Variants in FAM83F observed in about 807,000 individuals in gnomAD.
FAM83F encodes protein FAM83F.
FAM83F carries 45 observed loss-of-function variants against 42.9 expected under a neutral mutation model. That is an observed-to-expected ratio of 1.05 (90% confidence interval 0.83 to 1.35). The LOEUF (loss-of-function observed/expected upper bound fraction) is 1.35. Among genes scored for constraint, FAM83F ranks in the 40% most tolerant of loss-of-function variants. FAM83F has a pLI of 0.00. For synonymous variants in FAM83F, 306 were observed against 298.3 expected, an observed-to-expected ratio of 1.03 and a Z score of -0.27; for missense variants, 617 against 695.9, an observed-to-expected ratio of 0.89 and a Z score of 1.28.
intron 1 of FAM83F, among the ~76,000 whole-genome samples, chr22:40,017,466 C>T (rs1379430626): frequency 1.3e-5 from 2 of 152,150 alleles, no homozygotes; most frequent in Admixed American, 6.5e-5. Flanking sequence ...GCCCTGACCT[C>T]AAGTGATTCA....
In FAM83F at chr22:40,035,417, C is replaced by T. The variant is rs1347157015; in HGVS notation, c.*5852C>T. ...CGTCATGATTCTTATTTCCTGCTCGCAGCTTTGACTCTCTGCCTCATCTCT... is the reference window on the plus strand; with the variant it reads ...CGTCATGATTCTTATTTCCTGCTCGTAGCTTTGACTCTCTGCCTCATCTCT... On this transcript the variant is annotated 3_prime_UTR_variant, in exon 5 of 5. Transcript: ENST00000333407. The T allele has an allele frequency of 1.3e-5, 2 of 152,262 alleles. No homozygotes were observed. The highest frequency in any genetic ancestry group is 2.9e-5 in the Non-Finnish European group (2 of 68,094). The allele number at this position is 152,262 out of a possible 1,614,324, so 9.4% of individuals were successfully genotyped here. A position where few individuals can be genotyped will look rare whatever the true frequency, so the allele number is the denominator to read the frequency against.
rs757169651 is a variant in FAM83F, at chr22:40,023,681, C to T, written c.1453+1718C>T. ...GTCACGGCGGCCCTGCCCCTGCTGC[C>T]GCTCTCTGGTGTCTGCACATGGTGC... On this transcript the variant is annotated intron_variant, in intron 4 of 4. Coordinates refer to ENST00000333407, the MANE Select transcript of FAM83F (RefSeq NM_138435.4). The surrounding 1 kb of genome is among the most constrained non-coding windows in gnomAD (Gnocchi z 4.1). 9.8e-4 allele frequency among the ~76,000 whole-genome samples: 149 copies of T among 152,326 alleles called. No homozygotes were observed. The highest frequency in any genetic ancestry group is 1.9e-3 in the Non-Finnish European group (126 of 68,018).
In FAM83F at chr22:40,023,101, G is replaced by A. The variant is rs575633495; in HGVS notation, c.1453+1138G>A. ...CGTTCCTTCTGTTTGGCCTGGAGACGTTGACTGAGCTGCTGGCTTGCCAGG... is the reference window on the plus strand; with the variant it reads ...CGTTCCTTCTGTTTGGCCTGGAGACATTGACTGAGCTGCTGGCTTGCCAGG... On this transcript the variant is annotated intron_variant, in intron 4 of 4. Coordinates refer to ENST00000333407, the MANE Select transcript of FAM83F (RefSeq NM_138435.4). The surrounding 1 kb of genome is among the most constrained non-coding windows in gnomAD (Gnocchi z 4.1). Among the ~76,000 whole-genome samples, 4 of 152,316 alleles carry A rather than the reference G, an allele frequency of 2.6e-5. No homozygotes were observed. The East Asian group carries it at 7.7e-4, about 29-fold the overall frequency.
chr22:40,023,439 G>C lies in FAM83F; in HGVS notation c.1453+1476G>C, dbSNP rs1445721660. Among the ~76,000 whole-genome samples, 1 of 152,246 alleles carries C rather than the reference G, an allele frequency of 6.6e-6. No homozygotes were observed. The highest frequency in any genetic ancestry group is 2.1e-4 in the South Asian group (1 of 4,820). ...ACCTGGCAAGGGAGCGAGGGGAAGA[G>C]GGGAAGGAGGTGGAAGAGGGGAAGG... On this transcript the variant is annotated intron_variant, in intron 4 of 4. Transcript: ENST00000333407. The surrounding 1 kb of genome is among the most constrained non-coding windows in gnomAD (Gnocchi z 4.1).
At chr22:40,011,324 A>T (rs1475966455) in intron 1 of FAM83F, among the ~76,000 whole-genome samples, 2 of 152,034 alleles carry the variant, frequency 1.3e-5, no homozygotes, top group Non-Finnish European at 2.9e-5. Context: ...CCCTGGGATT[A>T]CAGGTGTGCG....
Position 39,995,372 on chromosome 22 carries a change from C to G in FAM83F, c.330C>G (p.Asp110Glu), listed in dbSNP as rs986965846. ...GCGAGTCCCTGGCCTACTGGCCCGA[C>G]CGTTCCGACACCGAGGTGCCTCCTC... ...ESGESLAYWP[D>E]RSDTEVPPLD... The change falls in exon 1 of 5, where the codon GAC (aspartate) becomes GAG (glutamate). Residue 110 changes from aspartate (D) to glutamate (E), a missense_variant. Asp to Glu is a conservative substitution (Grantham distance 45, BLOSUM62 2). Coordinates refer to ENST00000333407, the MANE Select transcript of FAM83F (RefSeq NM_138435.4). This position sits in a 1 kb window ranked among gnomAD's most constrained non-coding sequence, Gnocchi z 4.6. 3 of 1,545,484 alleles carry G rather than the reference C, an allele frequency of 1.9e-6. No individual in the cohort carries two copies. Among genetic ancestry groups the G allele is most frequent in the Non-Finnish European group, 2.6e-6 (3 of 1,146,698 alleles).
intron 1 of FAM83F, among the ~76,000 whole-genome samples, chr22:39,996,080 C>G (rs1160253500): frequency 6.6e-6 from 1 of 152,184 alleles, no homozygotes; most frequent in Admixed American, 6.5e-5. Flanking sequence ...GTACTAGGCC[C>G]CAGCTGCCTG....
At chr22:39,998,606 G>A (rs9623101) in intron 1 of FAM83F, among the ~76,000 whole-genome samples, 2,021 of 152,280 alleles carry the variant, frequency 0.013, 44 homozygotes, top group African/African-American at 0.047. Flanking sequence ...GAGGAGGTCT[G>A]GCTGAGCGGC....
intron 1 of FAM83F, among the ~76,000 whole-genome samples, chr22:39,996,242 T>C (rs1272554156): frequency 2.6e-5 from 4 of 152,156 alleles, no homozygotes; most frequent in Admixed American, 2.6e-4. Context: ...GGAGGGGCTG[T>C]TTCCAGGGTG....
At position 40,029,909 on chromosome 22, in the gene FAM83F, G is replaced by A. The variant is rs1256896687; in HGVS notation, c.*344G>A. 4.7e-6 allele frequency: 1 copy of A among 211,270 alleles called. No individual in the cohort carries two copies. Among genetic ancestry groups the A allele is most frequent in the Non-Finnish European group, 9.6e-6 (1 of 104,340 alleles). The allele number at this position is 211,270 out of a possible 1,614,324, so 13.1% of individuals were successfully genotyped here. On this transcript the variant is annotated 3_prime_UTR_variant, in exon 5 of 5. Coordinates refer to ENST00000333407, the MANE Select transcript of FAM83F (RefSeq NM_138435.4). ...AGGGCCCATTCTTTAAACCTTTATG[G>A]GGTGGGGTGTCTGGGGCAGCTGCAG...
Position 40,021,833 on chromosome 22 carries a change from G to A in FAM83F, c.1323G>A (p.Arg441=), listed in dbSNP as rs776663238. ...EAAPARRFSS[R]LFSRRAKRPA... ...CCCCCGCCAGGCGCTTCAGCAGCAGGCTCTTCAGTCGCCGAGCCAAGAGGC... is the reference window on the plus strand; with the variant it reads ...CCCCCGCCAGGCGCTTCAGCAGCAGACTCTTCAGTCGCCGAGCCAAGAGGC... Residue 441 remains arginine, a synonymous_variant, in exon 4 of 5, where the codon AGG becomes AGA. Transcript: ENST00000333407. This position sits in a 1 kb window ranked among gnomAD's most constrained non-coding sequence, Gnocchi z 8.7. 6 of 1,612,502 alleles carry A rather than the reference G, an allele frequency of 3.7e-6. No individual in the cohort carries two copies. The African/African-American group carries it at 8.0e-5, about 22-fold the overall frequency.
chr22:40,020,051 T>A, intron 3 of FAM83F, 43 bp downstream of exon 3: 1 of 1,578,080 alleles, frequency 6.3e-7, no homozygotes, highest in Non-Finnish European at 8.6e-7. Flanking sequence ...AGGCCTTGAT[T>A]CCAGGTAGGT....
chr22:40,001,663 A>T (rs1423087836), intron 1 of FAM83F, among the ~76,000 whole-genome samples: 3 of 152,162 alleles, frequency 2.0e-5, no homozygotes, highest in African/African-American at 4.8e-5. Flanking sequence ...AATAAATAAA[A>T]AACAAAACAA....
chr22:40,006,164 C>T (rs376199371), intron 1 of FAM83F, among the ~76,000 whole-genome samples: 1 of 151,598 alleles, frequency 6.6e-6, no homozygotes, highest in Non-Finnish European at 1.5e-5. Flanking sequence ...TGCTTGAGCC[C>T]GGGAGGCAGA....
At chr22:40,009,534 G>C (rs1426094615) in intron 1 of FAM83F, among the ~76,000 whole-genome samples, 1 of 152,228 alleles carries the variant, frequency 6.6e-6, no homozygotes, top group Admixed American at 6.5e-5. Flanking sequence ...AGGAGAGTCC[G>C]AGCTGGGGCG....
chr22:40,042,739 A>G lies in FAM83F; in HGVS notation c.*13174A>G, dbSNP rs1264072321. ...GCCTTTTACGATCAGAACAATGTGA[A>G]GGACACAAAGATGAAAAAGAAACCA... On this transcript the variant is annotated 3_prime_UTR_variant, in exon 5 of 5. Transcript: ENST00000333407. The G allele has an allele frequency of 6.6e-6, 1 of 152,244 alleles. No homozygotes were observed. Among genetic ancestry groups the G allele is most frequent in the Non-Finnish European group, 1.5e-5 (1 of 68,036 alleles). 9.4% of individuals were successfully genotyped at this position (152,244 alleles called of 1,614,324 possible). A position where few individuals can be genotyped will look rare whatever the true frequency, so the allele number is the denominator to read the frequency against.
intron 1 of FAM83F, among the ~76,000 whole-genome samples, chr22:40,005,130 G>A (rs1478895841): frequency 6.6e-6 from 1 of 152,190 alleles, no homozygotes; most frequent in Admixed American, 6.5e-5. Flanking sequence ...TATCCTTGCT[G>A]CGTCTCAGCA....
intron 4 of FAM83F, among the ~76,000 whole-genome samples, chr22:40,027,653 A>C (rs1263877451): frequency 6.6e-6 from 1 of 152,236 alleles, no homozygotes; most frequent in Non-Finnish European, 1.5e-5. Context: ...GTTTGTCCTC[A>C]AGCCAAGCCA....
intron 1 of FAM83F, among the ~76,000 whole-genome samples, chr22:40,004,604 A>T (rs562885143): frequency 2.6e-5 from 4 of 152,088 alleles, no homozygotes; most frequent in African/African-American, 9.6e-5. Context: ...CACCCAGCTA[A>T]TTTTTTATTT....
Sources: allele counts gnomAD v4.1 joint callset (sites outside exome capture counted in the v4.1 genomes callset), GRCh38; gene constraint gnomAD v4.1.1; non-coding constraint Gnocchi (gnomAD v3.1); transcripts MANE v1.5; gene names NCBI Gene and HGNC (gene_info 2026-07-23, HGNC 2026-07-21).